The following CMIP variants were observed in gnomAD, a reference collection of about 807,000 sequenced individuals.
CMIP encodes C-Maf-inducing protein.
A neutral mutation model predicts 97.3 loss-of-function variants in CMIP; 13 were observed. The observed-to-expected ratio is 0.13, with a 90% confidence interval of 0.09 to 0.21. CMIP has a LOEUF of 0.21. Among genes scored for constraint, CMIP ranks in the 10% least tolerant of loss-of-function variants. CMIP has a pLI of 1.00. For synonymous variants in CMIP, 538 were observed against 436.3 expected, an observed-to-expected ratio of 1.23 and a Z score of -2.91; for missense variants, 847 against 1,024.9, an observed-to-expected ratio of 0.83 and a Z score of 2.37.
rs1905724807 is a variant in CMIP, at chr16:81,444,890, A to AG, written c.-352_-351insG. Reference sequence around the variant, plus strand: ...GGGGCCCCGAGACACGCCCGCCCCCACCCCGCCGCCCCCACCCCGGCGCCC... The same window carrying AG: ...GGGGCCCCGAGACACGCCCGCCCCCAGCCCCGCCGCCCCCACCCCGGCGCCC... On this transcript the variant is annotated 5_prime_UTR_variant, in exon 1 of 21. Transcript: ENST00000537098. Among the ~76,000 whole-genome samples the AG allele has an allele frequency of 7.5e-5, 2 of 26,616 alleles. No homozygotes were observed. Among genetic ancestry groups the AG allele is most frequent in the African/African-American group, 3.0e-4 (2 of 6,706 alleles). 17.5% of individuals were successfully genotyped at this position (26,616 alleles called of 152,430 possible).
chr16:81,493,455 C>T (rs1054234731), intron 1 of CMIP, among the ~76,000 whole-genome samples: 2 of 151,964 alleles, frequency 1.3e-5, no homozygotes, highest in African/African-American at 4.8e-5. Flanking sequence ...GAGGATTAAA[C>T]GAAGTACGAA....
chr16:81,678,706 T>C (rs1904551920), intron 10 of CMIP, 78 bp downstream of exon 10: 2 of 691,076 alleles, frequency 2.9e-6, no homozygotes, highest in Non-Finnish European at 4.9e-6. Context: ...CGGCTGTGTT[T>C]GTTGGTTCGA....
intron 18 of CMIP, among the ~76,000 whole-genome samples, chr16:81,704,944 C>CG (rs913777545): frequency 6.6e-6 from 1 of 151,746 alleles, no homozygotes; most frequent in Non-Finnish European, 1.5e-5. Context: ...CGCTGGCCTG[C>CG]GGGGGGCTGC....
rs113244706 is a variant in CMIP at position 81,520,937 on chromosome 16, G to A, written c.300+75396G>A. 4.3e-4 allele frequency among the ~76,000 whole-genome samples: 65 copies of A among 152,294 alleles called. 1 individual carries two copies. Among genetic ancestry groups the A allele is most frequent in the Non-Finnish European group, 4.3e-4 (29 of 68,020 alleles). On this transcript the variant is annotated intron_variant, in intron 1 of 20. Transcript: ENST00000537098. ...GTCGTGAGTGTGTGGCTAAATTGTGGGGAGCTCCCTGGGTTTCGCATCCTC... is the reference window on the plus strand; with the variant it reads ...GTCGTGAGTGTGTGGCTAAATTGTGAGGAGCTCCCTGGGTTTCGCATCCTC...
At chr16:81,645,083 G>A (rs939813009) in intron 3 of CMIP, among the ~76,000 whole-genome samples, 1 of 152,220 alleles carries the variant, frequency 6.6e-6, no homozygotes, top group Non-Finnish European at 1.5e-5. Context: ...GCTGGCTACC[G>A]AGTAACTGTA....
chr16:81,496,891 C>T (rs926025516), intron 1 of CMIP, among the ~76,000 whole-genome samples: 4 of 152,384 alleles, frequency 2.6e-5, no homozygotes, highest in South Asian at 4.1e-4. Context: ...TGCCGCTTGG[C>T]GGGCAGTGCC....
intron 14 of CMIP, 108 bp from the exon 15 acceptor site, chr16:81,699,577 G>A: frequency 2.9e-6 from 2 of 684,396 alleles, no homozygotes; most frequent in East Asian, 2.8e-5. Flanking sequence ...TGTCTGGACA[G>A]CGTGTAGGCA....
At chr16:81,594,781 T>TA (rs1491437057) in intron 1 of CMIP, among the ~76,000 whole-genome samples, 1 of 97,108 alleles carries the variant, frequency 1.0e-5, no homozygotes, top group Non-Finnish European at 2.0e-5. Flanking sequence ...GCCCAGCTAA[T>TA]TTTTTTTTTT....
intron 1 of CMIP, among the ~76,000 whole-genome samples, chr16:81,485,824 A>T (rs1207617513): frequency 6.6e-6 from 1 of 152,178 alleles, no homozygotes; most frequent in Non-Finnish European, 1.5e-5. Flanking sequence ...AGCTTGCTGG[A>T]GGTGGTATTG....
intron 1 of CMIP, among the ~76,000 whole-genome samples, chr16:81,526,362 C>T (rs975033836): frequency 6.6e-6 from 1 of 152,150 alleles, no homozygotes; most frequent in African/African-American, 2.4e-5. Context: ...GTAGGCAGTA[C>T]CAATCACAGT....
At chr16:81,554,090 A>G (rs1378995957) in intron 1 of CMIP, among the ~76,000 whole-genome samples, 3 of 152,334 alleles carry the variant, frequency 2.0e-5, no homozygotes, top group South Asian at 2.1e-4. Context: ...TAGAACAACA[A>G]TAATTATTAA....
chr16:81,471,091 G>A (rs541045809), intron 1 of CMIP, among the ~76,000 whole-genome samples: 9 of 151,924 alleles, frequency 5.9e-5, no homozygotes, highest in Admixed American at 3.9e-4. Flanking sequence ...GCACACACAC[G>A]TACACATAAA....
chr16:81,615,371 T>C (rs2091900050), intron 2 of CMIP, among the ~76,000 whole-genome samples: 1 of 149,020 alleles, frequency 6.7e-6, no homozygotes, highest in East Asian at 2.0e-4. Flanking sequence ...CATGTGTAAC[T>C]GTATGGTGTG....
At position 81,701,538 on chromosome 16, in the gene CMIP, G is replaced by A. The variant is rs190156888; in HGVS notation, c.1756-122G>A. 59 of 1,362,232 alleles carry A rather than the reference G, an allele frequency of 4.3e-5. No individual in the cohort carries two copies. In the Admixed American group the frequency reaches 6.1e-4, roughly 14 times the overall value. 84.4% of individuals were successfully genotyped at this position (1,362,232 alleles called of 1,614,324 possible). ...GTGATTTGCCCAGGCTTACACAGCCGGGGCTGCAGAAAGGGGATAGTGGGG... is the reference window on the plus strand; with the variant it reads ...GTGATTTGCCCAGGCTTACACAGCCAGGGCTGCAGAAAGGGGATAGTGGGG... On this transcript the variant is annotated intron_variant, in intron 15 of 20. Coordinates refer to ENST00000537098, the MANE Select transcript of CMIP (RefSeq NM_198390.3).
In CMIP at chr16:81,583,501, C is replaced by T. The variant is rs116731673; in HGVS notation, c.301-24066C>T. Among the ~76,000 whole-genome samples the T allele has an allele frequency of 8.1e-3, 1,237 of 152,340 alleles. 20 individuals carry two copies. Among genetic ancestry groups the T allele is most frequent in the African/African-American group, 0.029 (1,189 of 41,584 alleles). The stretch of plus-strand genomic sequence containing the variant: ...AAAATAAGTCATTGGGAATACTTGA[C>T]CCTGGGCAGAGAGCGGGACCAGCAC... On this transcript the variant is annotated intron_variant, in intron 1 of 20. Transcript: ENST00000537098.
intron 1 of CMIP, among the ~76,000 whole-genome samples, chr16:81,560,233 T>G (rs1400444655): frequency 2.8e-5 from 4 of 141,126 alleles, no homozygotes; most frequent in Admixed American, 7.1e-5. Flanking sequence ...GTTTTTTTTT[T>G]TTTGAGACAG....
At chr16:81,545,170 T>G (rs917088954) in intron 1 of CMIP, among the ~76,000 whole-genome samples, 7 of 152,116 alleles carry the variant, frequency 4.6e-5, no homozygotes, top group Admixed American at 4.6e-4. Flanking sequence ...CTCCCAGGCC[T>G]GCCCTCCTCC....
chr16:81,572,041 G>A (rs963665928), intron 1 of CMIP, among the ~76,000 whole-genome samples: 2 of 152,204 alleles, frequency 1.3e-5, no homozygotes, highest in Non-Finnish European at 2.9e-5. Context: ...CCTTGGCCCC[G>A]ACCCTGGCAC....
At chr16:81,454,143 A>T (rs1172949022) in intron 1 of CMIP, among the ~76,000 whole-genome samples, 3 of 152,244 alleles carry the variant, frequency 2.0e-5, no homozygotes, top group Non-Finnish European at 2.9e-5. Context: ...TGGGGAATAA[A>T]GTAGGGTGAG....
Sources: allele counts gnomAD v4.1 joint callset (sites outside exome capture counted in the v4.1 genomes callset), GRCh38; gene constraint gnomAD v4.1.1; transcripts MANE v1.5; gene names NCBI Gene and HGNC (gene_info 2026-07-23, HGNC 2026-07-21).